Variants in RBFOX1 observed in about 807,000 individuals in gnomAD.
RBFOX1 encodes the protein RNA binding protein fox-1 homolog 1.
A neutral mutation model predicts 57.7 loss-of-function variants in RBFOX1; 8 were observed. The ratio of observed to expected loss-of-function variants is 0.14; its 90% CI spans 0.08 to 0.25. RBFOX1 has a LOEUF of 0.25. RBFOX1 is among the 10% of genes least tolerant of loss of function. RBFOX1 has a pLI of 1.00. For synonymous variants in RBFOX1, 326 were observed against 222.4 expected, an observed-to-expected ratio of 1.47 and a Z score of -4.15; for missense variants, 611 against 548.5, an observed-to-expected ratio of 1.11 and a Z score of -1.14.
chr16:5,404,127 T>C (rs377629475), intron 1 of RBFOX1, among the ~76,000 whole-genome samples: 3 of 150,466 alleles, frequency 2.0e-5, no homozygotes, highest in Non-Finnish European at 4.4e-5. Context: ...TGGGGATGAT[T>C]AACACTGGAG....
intron 1 of RBFOX1, among the ~76,000 whole-genome samples, chr16:6,102,759 G>A (rs1419724991): frequency 1.3e-5 from 2 of 152,158 alleles, no homozygotes; most frequent in Non-Finnish European, 2.9e-5. Flanking sequence ...AATCACAGCT[G>A]TTAAACTGTG....
chr16:7,051,272 T>G (rs565489509), intron 3 of RBFOX1, among the ~76,000 whole-genome samples: 49 of 152,322 alleles, frequency 3.2e-4, no homozygotes, highest in African/African-American at 1.2e-3. Context: ...GTGTTCCTTT[T>G]TATTTGTGTC....
intron 1 of RBFOX1, among the ~76,000 whole-genome samples, chr16:5,325,153 C>G (rs1361122720): frequency 2.0e-5 from 3 of 152,114 alleles, no homozygotes; most frequent in Admixed American, 6.6e-5. Flanking sequence ...AACACCTTCC[C>G]TTTCTCTCCC....
At chr16:6,100,412 G>A (rs892725910) in intron 1 of RBFOX1, among the ~76,000 whole-genome samples, 2 of 152,058 alleles carry the variant, frequency 1.3e-5, no homozygotes, top group Non-Finnish European at 2.9e-5. Flanking sequence ...TCCGCCCGCC[G>A]CGGCCTCCCA....
chr16:5,850,612 G>A (rs1282044245), intron 3 of RBFOX1, among the ~76,000 whole-genome samples: 1 of 152,152 alleles, frequency 6.6e-6, no homozygotes, highest in Non-Finnish European at 1.5e-5. Context: ...TATTTTCGGT[G>A]TCTTATGTGC....
intron 1 of RBFOX1, among the ~76,000 whole-genome samples, chr16:5,283,845 A>T (rs1596388063): frequency 6.6e-6 from 1 of 151,964 alleles, no homozygotes; most frequent in East Asian, 1.9e-4. Context: ...GTTAATGCTG[A>T]ACTTAGTTAA....
At chr16:7,191,423 A>G (rs73546573) in intron 4 of RBFOX1, among the ~76,000 whole-genome samples, 4,194 of 152,226 alleles carry the variant, frequency 0.028, 184 homozygotes, top group African/African-American at 0.093. Context: ...ATGTTGTACA[A>G]TTGTCCTCAT....
At chr16:6,261,559 C>T (rs1172561847) in intron 1 of RBFOX1, among the ~76,000 whole-genome samples, 4 of 152,184 alleles carry the variant, frequency 2.6e-5, no homozygotes, top group South Asian at 2.1e-4. Context: ...TCCTGGGAAT[C>T]GAGCCTTCTC....
At chr16:6,843,087 A>T (rs2093574646) in intron 3 of RBFOX1, among the ~76,000 whole-genome samples, 1 of 152,134 alleles carries the variant, frequency 6.6e-6, no homozygotes, top group South Asian at 2.1e-4. Context: ...GTTGGTTCCA[A>T]GATTTACTAT....
intron 4 of RBFOX1, among the ~76,000 whole-genome samples, chr16:5,948,139 A>C (rs13333111): frequency 0.071 from 10,815 of 152,014 alleles, 1,272 homozygotes; most frequent in African/African-American, 0.24. Context: ...GACAGGGGTG[A>C]CTCTTTCCCT....
chr16:5,438,319 G>A (rs886622016), intron 1 of RBFOX1, among the ~76,000 whole-genome samples: 45 of 152,204 alleles, frequency 3.0e-4, no homozygotes, highest in African/African-American at 1.1e-3. Flanking sequence ...GTAGGAAAGA[G>A]GGAGGATCTA....
intron 4 of RBFOX1, among the ~76,000 whole-genome samples, chr16:7,329,949 A>G (rs533110959): frequency 6.6e-6 from 1 of 152,318 alleles, no homozygotes; most frequent in Non-Finnish European, 1.5e-5. Flanking sequence ...CGTGTCCCTT[A>G]ACATTTGGCA....
At chr16:6,271,839 G>A (rs1267372155) in intron 1 of RBFOX1, among the ~76,000 whole-genome samples, 2 of 152,068 alleles carry the variant, frequency 1.3e-5, no homozygotes, top group Non-Finnish European at 2.9e-5. Context: ...TCCAGATCAG[G>A]AGGTTTTTGT....
intron 3 of RBFOX1, among the ~76,000 whole-genome samples, chr16:5,775,121 A>G (rs569537687): frequency 6.6e-6 from 1 of 152,318 alleles, no homozygotes; most frequent in East Asian, 1.9e-4. Context: ...GATGGTGTAG[A>G]CAACAGAATG....
rs62017575 is a variant in RBFOX1 at position 6,734,920 on chromosome 16, G to A, written c.-16+80270G>A. ...AGAATGTATTAGGTTGTGTTGCCTC[G>A]CTTGAGCCCAGGAGTTTAAGACTGG... On this transcript the variant is annotated intron_variant, in intron 3 of 15. Transcript: ENST00000550418. Among the ~76,000 whole-genome samples the A allele has an allele frequency of 4.9e-3, 745 of 152,188 alleles. 5 individuals carry two copies. The highest frequency in any genetic ancestry group is 5.5e-3 in the Non-Finnish European group (376 of 68,014).
intron 4 of RBFOX1, among the ~76,000 whole-genome samples, chr16:7,393,392 G>C (rs893981553): frequency 2.6e-5 from 4 of 152,100 alleles, no homozygotes; most frequent in African/African-American, 7.2e-5. Flanking sequence ...TATCTTCACT[G>C]TATGAAAAAC....
chr16:6,829,150 G>C (rs758637501), intron 3 of RBFOX1, among the ~76,000 whole-genome samples: 7 of 151,870 alleles, frequency 4.6e-5, no homozygotes, highest in Non-Finnish European at 1.0e-4. Flanking sequence ...ATAAGTGGAA[G>C]GTGGGTGTAG....
intron 6 of RBFOX1, among the ~76,000 whole-genome samples, chr16:7,584,760 C>G (rs927038790): frequency 6.6e-6 from 1 of 152,194 alleles, no homozygotes; most frequent in African/African-American, 2.4e-5. Flanking sequence ...TAGTAGCGAA[C>G]TTCCCAATTA....
chr16:6,844,221 G>C (rs568631286), intron 3 of RBFOX1, among the ~76,000 whole-genome samples: 1 of 151,854 alleles, frequency 6.6e-6, no homozygotes, highest in Non-Finnish European at 1.5e-5. Flanking sequence ...TAAGTTCAGG[G>C]GTACATGTGC....
Sources: gnomAD v4.1 joint callset for allele counts (sites outside exome capture counted in the v4.1 genomes callset) on GRCh38, gnomAD v4.1.1 for gene constraint, MANE v1.5 for transcripts, NCBI Gene and HGNC (gene_info 2026-07-23, HGNC 2026-07-21) for gene names.